Variants in LIFR observed in about 807,000 individuals in gnomAD.
LIFR encodes LIF receptor subunit alpha, also known as leukemia inhibitory factor receptor.
LIFR carries 84 observed loss-of-function variants against 122.2 expected under a neutral mutation model. That is an observed-to-expected ratio of 0.69 (90% confidence interval 0.58 to 0.82). The LOEUF is 0.82. Among genes scored for constraint, LIFR ranks in the 40% least tolerant of loss-of-function variants. The pLI is 0.00. For synonymous variants in LIFR, 422 were observed against 434.7 expected (o/e 0.97, Z 0.36); for missense variants, 1,294 against 1,311.6 (o/e 0.99, Z 0.21).
At chr5:38,605,894 T>A (rs978073252) in intron 2 of LIFR, among the ~76,000 whole-genome samples, 5 of 152,214 alleles carry the variant, frequency 3.3e-5, no homozygotes, top group African/African-American at 1.2e-4. Flanking sequence ...CGTATATTGA[T>A]TGATGTCTCA....
At position 38,504,700 on chromosome 5, in the gene LIFR, C is replaced by T. The variant is rs145401000; in HGVS notation, c.1292-579G>A. ...ATAGTGTGTATGCCCAGTTGAGTGG[C>T]GGGAAAGAATCACATGGGAAATAAG... On this transcript the variant is annotated intron_variant, in intron 9 of 19. Transcript: ENST00000453190. Among the ~76,000 whole-genome samples the T allele has an allele frequency of 8.3e-4, 127 of 152,104 alleles. 2 individuals are homozygous for T. The East Asian group carries it at 0.02, about 24-fold the overall frequency.
intron 12 of LIFR, among the ~76,000 whole-genome samples, chr5:38,497,764 C>T (rs1744960598): frequency 6.6e-6 from 1 of 151,852 alleles, no homozygotes; most frequent in African/African-American, 2.4e-5. Flanking sequence ...TTTACTTTTC[C>T]ATAATATATG....
intron 1 of LIFR, among the ~76,000 whole-genome samples, chr5:38,540,635 C>T (rs1747541577): frequency 6.6e-6 from 1 of 152,174 alleles, no homozygotes; most frequent in Non-Finnish European, 1.5e-5. Flanking sequence ...TGTATTACAC[C>T]ACAGAGGACG....
intron 1 of LIFR, among the ~76,000 whole-genome samples, chr5:38,572,320 G>C (rs1167119748): frequency 6.6e-6 from 1 of 152,070 alleles, no homozygotes; most frequent in Admixed American, 6.6e-5. Context: ...GTGAGGGGAA[G>C]GTGCTACACA....
chr5:38,539,147 G>A (rs564534101), intron 1 of LIFR, among the ~76,000 whole-genome samples: 2 of 152,044 alleles, frequency 1.3e-5, no homozygotes, highest in Non-Finnish European at 1.5e-5. Context: ...TTTTTTAGGA[G>A]AGACGGGGTT....
intron 2 of LIFR, among the ~76,000 whole-genome samples, chr5:38,604,925 C>T (rs1750295164): frequency 6.6e-6 from 1 of 151,944 alleles, no homozygotes; most frequent in African/African-American, 2.4e-5. Context: ...GCTTCCAGGT[C>T]ATAGGTAAAT....
rs1227608284 is a variant in LIFR at position 38,528,619 on chromosome 5, C to T, written c.257+107G>A. The T allele has an allele frequency of 1.0e-5, 8 of 770,424 alleles. No homozygotes were observed. The South Asian group carries it at 1.2e-4, about 11-fold the overall frequency. 47.7% of individuals were successfully genotyped at this position (770,424 alleles called of 1,614,324 possible). A position where few individuals can be genotyped will look rare whatever the true frequency, so the allele number is the denominator to read the frequency against. The stretch of plus-strand genomic sequence containing the variant: ...ACGGCAGACTCTGCTGGACACAGAA[C>T]ACAAGCAGGAAATAACCCTTTAGTT... On this transcript the variant is annotated intron_variant, in intron 3 of 19. Coordinates refer to ENST00000453190, the MANE Select transcript of LIFR (RefSeq NM_001127671.2).
chr5:38,513,901 A>G (rs552945627), intron 5 of LIFR, among the ~76,000 whole-genome samples: 2 of 152,266 alleles, frequency 1.3e-5, no homozygotes, highest in South Asian at 4.1e-4. Flanking sequence ...GAAAGTCAAT[A>G]ATTGAAAAGA....
At chr5:38,502,594 A>C (rs922250816) in intron 11 of LIFR, 43 bp downstream of exon 11, 3 of 1,510,400 alleles carry the variant, frequency 2.0e-6, no homozygotes, top group African/African-American at 1.4e-5. Context: ...AAAACTTCAG[A>C]ATACACAGTA....
chr5:38,540,429 C>G (rs1747530154), intron 1 of LIFR, among the ~76,000 whole-genome samples: 1 of 152,188 alleles, frequency 6.6e-6, no homozygotes, highest in Non-Finnish European at 1.5e-5. Flanking sequence ...ATCAGACAGT[C>G]TATGTTCAGA....
chr5:38,555,209 A>G (rs997850479), intron 1 of LIFR: 3 of 152,254 alleles, frequency 2.0e-5, no homozygotes, highest in African/African-American at 4.8e-5. Context: ...TAAAAAACAC[A>G]TTATACTTAG....
chr5:38,488,306 G>A (rs1039948295), intron 16 of LIFR, among the ~76,000 whole-genome samples: 2 of 152,128 alleles, frequency 1.3e-5, no homozygotes, highest in Non-Finnish European at 2.9e-5. Flanking sequence ...GACAGTGCTC[G>A]GCCAGCACTG....
chr5:38,590,556 G>C (rs1749890246), intron 1 of LIFR, among the ~76,000 whole-genome samples: 1 of 152,178 alleles, frequency 6.6e-6, no homozygotes, highest in African/African-American at 2.4e-5. Context: ...CTGTTTCAAT[G>C]ATGACCGTGA....
chr5:38,581,518 T>C (rs1243009311), intron 1 of LIFR, among the ~76,000 whole-genome samples: 5 of 152,226 alleles, frequency 3.3e-5, no homozygotes, highest in African/African-American at 1.2e-4. Context: ...CAGCATCCCA[T>C]GTCTTGGAGG....
intron 16 of LIFR, 69 bp from the exon 17 acceptor site, chr5:38,486,049 G>A: frequency 1.4e-6 from 2 of 1,428,430 alleles, no homozygotes; most frequent in South Asian, 1.2e-5. Flanking sequence ...ACCCACACCT[G>A]TCTCACCAAC....
intron 5 of LIFR, among the ~76,000 whole-genome samples, chr5:38,518,923 C>T (rs754397108): frequency 3.4e-4 from 52 of 151,998 alleles, no homozygotes; most frequent in Non-Finnish European, 6.6e-4. Flanking sequence ...CCTAGGCTAA[C>T]GTGTGTGTTT....
In LIFR at chr5:38,543,136, C is replaced by T. The variant is rs77726756; in HGVS notation, c.-19-12470G>A. ...AAATAGGCAATAAACATGAAAATGA[C>T]GTGAAACCATATTTCTACTGATTGG... On this transcript the variant is annotated intron_variant, in intron 1 of 19. Transcript: ENST00000453190. 7.9e-3 allele frequency among the ~76,000 whole-genome samples: 1,201 copies of T among 151,888 alleles called. 16 individuals carry two copies. The highest frequency in any genetic ancestry group is 0.026 in the African/African-American group (1,058 of 41,404).
chr5:38,545,679 A>G (rs1057229711), intron 1 of LIFR, among the ~76,000 whole-genome samples: 15 of 152,002 alleles, frequency 9.9e-5, no homozygotes, highest in Admixed American at 2.0e-4. Context: ...TGGCTAACAC[A>G]GTGAAACCCT....
intron 18 of LIFR, among the ~76,000 whole-genome samples, chr5:38,483,478 G>C (rs2112363534): frequency 6.6e-6 from 1 of 152,100 alleles, no homozygotes; most frequent in Non-Finnish European, 1.5e-5. Flanking sequence ...GTGGGGTGCA[G>C]TGGTGCAATC....
Sources: allele counts gnomAD v4.1 joint callset (sites outside exome capture counted in the v4.1 genomes callset), GRCh38; gene constraint gnomAD v4.1.1; transcripts MANE v1.5; gene names NCBI Gene and HGNC (gene_info 2026-07-23, HGNC 2026-07-21).